AKR1D1: variants seen among roughly 807,000 people sequenced by gnomAD.
The protein encoded by AKR1D1 is aldo-keto reductase family 1 member D1.
Under a neutral mutation model 42.6 loss-of-function variants are expected in AKR1D1, and 32 were observed. That is an observed-to-expected ratio of 0.75 (90% CI 0.57 to 1.01). The LOEUF is 1.01. Among genes scored for constraint, AKR1D1 ranks in the 50% least tolerant of loss-of-function variants. AKR1D1 has a pLI of 0.00. For synonymous variants in AKR1D1, 123 were observed against 135.5 expected (o/e 0.91, Z 0.64); for missense variants, 364 against 402.2 (o/e 0.91, Z 0.81).
intron 3 of AKR1D1, among the ~76,000 whole-genome samples, chr7:138,094,781 A>G (rs564751772): frequency 6.6e-6 from 1 of 152,152 alleles, no homozygotes; most frequent in Admixed American, 6.5e-5. Context: ...CAGCCTCCCA[A>G]AGTGCTGGGA....
chr7:138,115,296 A>C (rs1794613452), intron 8 of AKR1D1, among the ~76,000 whole-genome samples: 1 of 152,128 alleles, frequency 6.6e-6, no homozygotes, highest in South Asian at 2.1e-4. Context: ...TTTAAAAATA[A>C]GCCATCATGG....
intron 5 of AKR1D1, 128 bp from the exon 6 acceptor site, chr7:138,106,480 A>T (rs1794434971): frequency 1.4e-6 from 1 of 739,054 alleles, no homozygotes. Flanking sequence ...TAGGACACGA[A>T]ATGTATATAG....
At chr7:138,116,017 C>T (rs1319383360) in intron 8 of AKR1D1, among the ~76,000 whole-genome samples, 2 of 152,002 alleles carry the variant, frequency 1.3e-5, no homozygotes, top group African/African-American at 4.8e-5. Flanking sequence ...TGCTTCAGCC[C>T]AGGAGTTCAG....
At chr7:138,097,725 A>C in intron 3 of AKR1D1, 141 bp from the exon 4 acceptor site, 1 of 767,078 alleles carries the variant, frequency 1.3e-6, no homozygotes, top group South Asian at 1.8e-5. Flanking sequence ...CCGCTATGAC[A>C]AAATACTTTA....
chr7:138,086,612 T>C (rs1803186292), intron 1 of AKR1D1, among the ~76,000 whole-genome samples: 1 of 152,214 alleles, frequency 6.6e-6, no homozygotes, highest in South Asian at 2.1e-4. Context: ...GCTTTCTATA[T>C]CCTGCCCAGG....
intron 2 of AKR1D1, among the ~76,000 whole-genome samples, chr7:138,089,861 G>A (rs1794028157): frequency 6.6e-6 from 1 of 152,196 alleles, no homozygotes; most frequent in African/African-American, 2.4e-5. Flanking sequence ...ATGTGGGGGT[G>A]ATTAAGAGCC....
intron 3 of AKR1D1, among the ~76,000 whole-genome samples, chr7:138,097,525 G>C (rs1369276002): frequency 6.6e-6 from 1 of 152,206 alleles, no homozygotes; most frequent in Non-Finnish European, 1.5e-5. Flanking sequence ...TAGTTCAAAG[G>C]CTGTCCCAGC....
chr7:138,086,083 G>T (rs528664566), intron 1 of AKR1D1, among the ~76,000 whole-genome samples: 50 of 152,154 alleles, frequency 3.3e-4, no homozygotes, highest in African/African-American at 1.1e-3. Flanking sequence ...CACGCCTGTA[G>T]TCCCACTTAC....
intron 4 of AKR1D1, among the ~76,000 whole-genome samples, chr7:138,102,975 GGT>G (rs1279793522): frequency 6.6e-6 from 1 of 152,102 alleles, no homozygotes; most frequent in Non-Finnish European, 1.5e-5. Context: ...TTCCACTGGA[GGT>G]GTTCATGATC....
Position 138,090,552 on chromosome 7 carries a change from G to A in AKR1D1, c.262-1216G>A, listed in dbSNP as rs989957799. On this transcript the variant is annotated intron_variant, in intron 2 of 8. Coordinates refer to ENST00000242375, the MANE Select transcript of AKR1D1 (RefSeq NM_005989.4). The stretch of plus-strand genomic sequence containing the variant: ...CTTGGGAGGCTGAGGCAGCAGAATC[G>A]CTTGAACCCGGGAGGCAGAGGTTGC... Among the ~76,000 whole-genome samples the A allele has an allele frequency of 2.1e-4, 32 of 150,934 alleles. 1 individual carries two copies. Among genetic ancestry groups the A allele is most frequent in the Admixed American group, 1.7e-3 (26 of 15,076 alleles).
chr7:138,089,752 TAAACAG>T (rs1794026329), intron 2 of AKR1D1, among the ~76,000 whole-genome samples: 1 of 152,202 alleles, frequency 6.6e-6, no homozygotes, highest in Non-Finnish European at 1.5e-5. Flanking sequence ...TTTACTTACG[TAAACAG>T]AAACAGTGTG....
intron 6 of AKR1D1, 80 bp from the exon 7 acceptor site, chr7:138,107,335 G>T: frequency 6.8e-7 from 1 of 1,472,638 alleles, no homozygotes; most frequent in Non-Finnish European, 9.5e-7. Flanking sequence ...TGAATGGGAA[G>T]ACAGAGGAGG....
At chr7:138,090,636 C>CAAAAAAAAAAAA (rs201055784) in intron 2 of AKR1D1, among the ~76,000 whole-genome samples, 2 of 91,490 alleles carry the variant, frequency 2.2e-5, no homozygotes. Flanking sequence ...GACCCCGTCT[C>CAAAAAAAAAAAA]AAAAAAAAAA....
chr7:138,101,230 C>T (rs183419895), intron 4 of AKR1D1, among the ~76,000 whole-genome samples: 47 of 126,630 alleles, frequency 3.7e-4, no homozygotes, highest in Admixed American at 1.8e-3. Flanking sequence ...CCACGAGTCT[C>T]GCTCTGTAGC....
chr7:138,105,841 C>A lies in AKR1D1; in HGVS notation c.579+412C>A, dbSNP rs900615180. On this transcript the variant is annotated intron_variant, in intron 5 of 8. Transcript: ENST00000242375. ...TGGAGGTTGCAGTGAGCCGAGATTGCGCCACTGCACTCCAGCCTGGGCGAC... is the reference window on the plus strand; with the variant it reads ...TGGAGGTTGCAGTGAGCCGAGATTGAGCCACTGCACTCCAGCCTGGGCGAC... 2.0e-5 allele frequency among the ~76,000 whole-genome samples: 3 copies of A among 151,996 alleles called. No homozygotes were observed. The East Asian group carries it at 5.8e-4, about 29-fold the overall frequency.
intron 4 of AKR1D1, among the ~76,000 whole-genome samples, chr7:138,100,460 G>A (rs1794274598): frequency 6.6e-6 from 1 of 151,946 alleles, no homozygotes; most frequent in Non-Finnish European, 1.5e-5. Context: ...AAAGCAAAAG[G>A]ATAGAAAAAG....
intron 2 of AKR1D1, among the ~76,000 whole-genome samples, 184 bp from the exon 3 acceptor site, chr7:138,091,584 C>A (rs1290826724): frequency 6.6e-6 from 1 of 151,654 alleles, no homozygotes; most frequent in African/African-American, 2.4e-5. Context: ...AATCCCAGCA[C>A]TTTGGGAGGC....
intron 7 of AKR1D1, among the ~76,000 whole-genome samples, chr7:138,110,730 A>G (rs1304125714): frequency 6.6e-5 from 10 of 152,164 alleles, no homozygotes; most frequent in Admixed American, 6.5e-4. Flanking sequence ...TCCAGCCTGG[A>G]TGACAAGAGT....
At chr7:138,090,647 A>G (rs1562932428) in intron 2 of AKR1D1, among the ~76,000 whole-genome samples, 1 of 151,976 alleles carries the variant, frequency 6.6e-6, no homozygotes, top group Non-Finnish European at 1.5e-5. Flanking sequence ...AAAAAAAAAA[A>G]AAAAAGAAAA....
Sources: allele counts gnomAD v4.1 joint callset (sites outside exome capture counted in the v4.1 genomes callset), GRCh38; gene constraint gnomAD v4.1.1; transcripts MANE v1.5; gene names NCBI Gene and HGNC (gene_info 2026-07-23, HGNC 2026-07-21).